AGMO: variants seen among roughly 807,000 people sequenced by gnomAD.
AGMO encodes the protein glyceryl-ether monooxygenase.
In AGMO, 75 loss-of-function variants were observed where a neutral mutation model predicts 60.2. The observed-to-expected ratio is 1.25, with a 90% CI of 1.03 to 1.51. The LOEUF (loss-of-function observed/expected upper bound fraction) is 1.51. AGMO is among the 40% of genes most tolerant of loss of function. AGMO has a pLI of 0.00. For missense variants in AGMO, 763 were observed against 525.5 expected, an observed-to-expected ratio of 1.45 and a Z score of -4.42; for synonymous variants, 261 against 177.1, an observed-to-expected ratio of 1.47 and a Z score of -3.76.
At chr7:15,129,285 C>A in the AGMO span, among the ~76,000 whole-genome samples, 2 of 132,270 alleles carry the variant, frequency 1.5e-5, no homozygotes, top group African/African-American at 5.0e-5. Context: ...CTTATAGTGC[C>A]TGGCCATTGT....
intron 5 of AGMO, among the ~76,000 whole-genome samples, chr7:15,400,603 G>A (rs781165477): frequency 3.9e-5 from 6 of 152,114 alleles, no homozygotes; most frequent in Non-Finnish European, 7.4e-5. Flanking sequence ...AGGACCAAAG[G>A]CAAAGCATGA....
intron 5 of AGMO, among the ~76,000 whole-genome samples, chr7:15,404,794 A>T (rs993211657): frequency 1.1e-4 from 17 of 151,850 alleles, no homozygotes; most frequent in Admixed American, 9.9e-4. Context: ...CTGCTTAGTC[A>T]ACAAATATTA....
At chr7:15,179,304 C>T in the AGMO span, among the ~76,000 whole-genome samples, 1 of 152,012 alleles carries the variant, frequency 6.6e-6, no homozygotes, top group African/African-American at 2.4e-5. Flanking sequence ...CTAAAGGCAC[C>T]CTTTATCCTG....
At chr7:15,212,961 T>C (rs559736910) in intron 12 of AGMO, among the ~76,000 whole-genome samples, 165 of 152,090 alleles carry the variant, frequency 1.1e-3, no homozygotes, top group Non-Finnish European at 2.0e-3. Context: ...GATTATATTG[T>C]GTTATTATTG....
chr7:15,531,188 T>TATATTCTATAC (rs1784326926), intron 3 of AGMO, among the ~76,000 whole-genome samples: 1 of 96,388 alleles, frequency 1.0e-5, no homozygotes, highest in Non-Finnish European at 1.8e-5. Flanking sequence ...ATATTCTATA[T>TATATTCTATAC]ATATTCTATA....
At chr7:15,538,715 T>C (rs182605176) in intron 3 of AGMO, among the ~76,000 whole-genome samples, 86 of 152,294 alleles carry the variant, frequency 5.6e-4, no homozygotes, top group African/African-American at 2.0e-3. Context: ...TTCTCAGCAA[T>C]ACGTCTGTTT....
intron 12 of AGMO, among the ~76,000 whole-genome samples, chr7:15,357,229 T>G (rs1180599089): frequency 9.8e-6 from 1 of 102,500 alleles, no homozygotes; most frequent in Non-Finnish European, 2.1e-5. Flanking sequence ...GTGTGTGTGT[T>G]TCACCTTGAA....
At position 15,397,094 on chromosome 7, in the gene AGMO, C is replaced by T. The variant is rs958985293; in HGVS notation, c.610-2915G>A. On this transcript the variant is annotated intron_variant, in intron 5 of 12. Transcript: ENST00000342526. ...GTTGGCTTCACCTGTCACTGGCACC[C>T]GCCAGGAAACTTTGCGGTACCTATC... Among the ~76,000 whole-genome samples, 4 of 152,270 alleles carry T rather than the reference C, an allele frequency of 2.6e-5. 1 individual carries two copies. In the South Asian group the frequency reaches 6.2e-4, roughly 24 times the overall value.
chr7:15,398,988 T>C (rs1160083948), intron 5 of AGMO, among the ~76,000 whole-genome samples: 4 of 152,294 alleles, frequency 2.6e-5, no homozygotes, highest in Admixed American at 2.6e-4. Flanking sequence ...CTTTTACAAC[T>C]TTAATAGAAA....
At chr7:15,523,794 C>A (rs1195112648) in intron 3 of AGMO, among the ~76,000 whole-genome samples, 1 of 152,042 alleles carries the variant, frequency 6.6e-6, no homozygotes, top group African/African-American at 2.4e-5. Flanking sequence ...TGTGACACAC[C>A]TGCTCATTCT....
At chr7:15,299,062 C>T (rs866129751) in intron 12 of AGMO, among the ~76,000 whole-genome samples, 7 of 152,086 alleles carry the variant, frequency 4.6e-5, no homozygotes, top group Non-Finnish European at 1.0e-4. Context: ...AAATTCATCT[C>T]TAGCCACTCT....
At chr7:15,452,134 C>G (rs1167264203) in intron 3 of AGMO, among the ~76,000 whole-genome samples, 1 of 151,886 alleles carries the variant, frequency 6.6e-6, no homozygotes, top group Non-Finnish European at 1.5e-5. Flanking sequence ...CTATATAACT[C>G]TTAAAGGAAA....
At chr7:15,195,269 T>G in the AGMO span, among the ~76,000 whole-genome samples, 1 of 151,956 alleles carries the variant, frequency 6.6e-6, no homozygotes, top group African/African-American at 2.4e-5. Context: ...ACAAAAGAAG[T>G]GAGTTGAAGA....
At chr7:15,395,148 T>C (rs1257953999) in intron 5 of AGMO, among the ~76,000 whole-genome samples, 1 of 152,190 alleles carries the variant, frequency 6.6e-6, no homozygotes, top group Non-Finnish European at 1.5e-5. Context: ...AGCCTACCAA[T>C]GACAAAATCA....
At chr7:15,222,027 G>A (rs905467238) in intron 12 of AGMO, among the ~76,000 whole-genome samples, 1 of 152,056 alleles carries the variant, frequency 6.6e-6, no homozygotes, top group African/African-American at 2.4e-5. Context: ...AGTTTGGAGA[G>A]TAAAACTTTA....
At chr7:15,324,975 C>T (rs952575042) in intron 12 of AGMO, among the ~76,000 whole-genome samples, 3 of 151,896 alleles carry the variant, frequency 2.0e-5, no homozygotes, top group African/African-American at 7.3e-5. Flanking sequence ...TAGGCCACTC[C>T]AAACCAAAGT....
intron 12 of AGMO, among the ~76,000 whole-genome samples, chr7:15,277,531 G>C (rs1260380025): frequency 7.1e-6 from 1 of 141,516 alleles, no homozygotes; most frequent in East Asian, 1.9e-4. Flanking sequence ...ATTTGGATTG[G>C]ATTTTTTTTT....
intron 12 of AGMO, among the ~76,000 whole-genome samples, chr7:15,234,705 G>T (rs2128500520): frequency 6.6e-6 from 1 of 152,250 alleles, no homozygotes. Context: ...TAGTGCAAAA[G>T]TAACCATAGA....
chr7:15,479,742 G>A (rs1054645457), intron 3 of AGMO, among the ~76,000 whole-genome samples: 1 of 152,124 alleles, frequency 6.6e-6, no homozygotes, highest in South Asian at 2.1e-4. Context: ...CTAAATGCAA[G>A]GGATACAAAA....
Sources: allele counts gnomAD v4.1 joint callset (sites outside exome capture counted in the v4.1 genomes callset), GRCh38; gene constraint gnomAD v4.1.1; transcripts MANE v1.5; gene names NCBI Gene and HGNC (gene_info 2026-07-23, HGNC 2026-07-21).